VIPR2: variants seen among roughly 807,000 people sequenced by gnomAD.
The protein encoded by VIPR2 is vasoactive intestinal polypeptide receptor 2.
A neutral mutation model predicts 58.0 loss-of-function variants in VIPR2; 48 were observed. The ratio of observed to expected loss-of-function variants is 0.83; its 90% CI spans 0.66 to 1.05. The LOEUF (loss-of-function observed/expected upper bound fraction) is 1.05, where lower values mean the gene tolerates loss of function less well. VIPR2 is among the 50% of genes least tolerant of loss of function. The pLI is 0.00. For missense variants in VIPR2, 534 were observed against 558.0 expected (o/e 0.96, Z 0.43); for synonymous variants, 243 against 235.2 (o/e 1.03, Z -0.30).
At chr7:159,041,625 T>C (rs1303774618) in intron 6 of VIPR2, among the ~76,000 whole-genome samples, 2 of 146,356 alleles carry the variant, frequency 1.4e-5, no homozygotes. Flanking sequence ...CACAGGTCCG[T>C]TGAGGGTCCG....
intron 4 of VIPR2, among the ~76,000 whole-genome samples, chr7:159,082,414 A>G (rs1856952757): frequency 6.6e-6 from 1 of 152,022 alleles, no homozygotes; most frequent in Non-Finnish European, 1.5e-5. Flanking sequence ...GAATTGAACA[A>G]TGAGAACACA....
intron 5 of VIPR2, among the ~76,000 whole-genome samples, chr7:159,057,771 C>A (rs1188183538): frequency 6.6e-6 from 1 of 152,116 alleles, no homozygotes. Context: ...ACCTCTACCC[C>A]CAACCCAAAT....
At chr7:159,034,682 A>C (rs1585326341) in intron 8 of VIPR2, 32 bp from the exon 9 acceptor site, 1 of 1,599,886 alleles carries the variant, frequency 6.3e-7, no homozygotes, top group South Asian at 1.1e-5. Context: ...TCAGGTTACC[A>C]CCAACCACTT....
chr7:159,139,972 G>A (rs966681558), intron 2 of VIPR2, among the ~76,000 whole-genome samples: 3 of 152,222 alleles, frequency 2.0e-5, no homozygotes, highest in Non-Finnish European at 4.4e-5. Context: ...GTGATGCATC[G>A]ATGTTAAGTC....
At chr7:159,086,755 G>A (rs934292464) in intron 4 of VIPR2, among the ~76,000 whole-genome samples, 3 of 152,216 alleles carry the variant, frequency 2.0e-5, no homozygotes, top group African/African-American at 7.2e-5. Context: ...TTGGCTCACG[G>A]TGCTTGCTTC....
intron 2 of VIPR2, among the ~76,000 whole-genome samples, chr7:159,111,962 G>A (rs1011959402): frequency 2.0e-5 from 3 of 152,144 alleles, no homozygotes; most frequent in Admixed American, 6.5e-5. Context: ...AGTTAGTAAA[G>A]ATCATGGCAC....
chr7:159,099,485 G>T lies in VIPR2; in HGVS notation c.357+4272C>A, dbSNP rs1426350847. ...GCTGACATTGCCACAGCAGGCGGCG[G>T]CTGTCACTGCCTCCCAGATCCACAT... On this transcript the variant is annotated intron_variant, in intron 4 of 12. Transcript: ENST00000262178. The surrounding 1 kb of genome is among the most constrained non-coding windows in gnomAD (Gnocchi z 4.2). 2.0e-5 allele frequency among the ~76,000 whole-genome samples: 3 copies of T among 152,218 alleles called. No homozygotes were observed. The highest frequency in any genetic ancestry group is 2.9e-5 in the Non-Finnish European group (2 of 68,036).
At chr7:159,122,417 T>C (rs1008930047) in intron 2 of VIPR2, among the ~76,000 whole-genome samples, 3 of 152,190 alleles carry the variant, frequency 2.0e-5, no homozygotes, top group Admixed American at 2.0e-4. Context: ...GGTCTGGACG[T>C]CATCTCCTGA....
chr7:159,136,098 T>C (rs1197248833), intron 2 of VIPR2, among the ~76,000 whole-genome samples: 1 of 152,150 alleles, frequency 6.6e-6, no homozygotes. Flanking sequence ...TACCGGAAAC[T>C]GGGTAAATTA....
intron 4 of VIPR2, among the ~76,000 whole-genome samples, chr7:159,100,193 A>G (rs1164387683): frequency 1.3e-5 from 2 of 152,182 alleles, no homozygotes; most frequent in Non-Finnish European, 2.9e-5. Flanking sequence ...AGCAGACTGC[A>G]TGGGAATCAG....
At chr7:159,112,165 C>T (rs73169256) in intron 2 of VIPR2, among the ~76,000 whole-genome samples, 4,057 of 152,316 alleles carry the variant, frequency 0.027, 81 homozygotes, top group East Asian at 0.094. Flanking sequence ...CTTTGCATTA[C>T]AGTAGGATTT....
Position 159,032,036 on chromosome 7 carries a change from G to T in VIPR2, c.1003C>A (p.Pro335Thr). 1 of 1,614,082 alleles carries T rather than the reference G, an allele frequency of 6.2e-7. No individual in the cohort carries two copies. Residue 335 changes from proline to threonine, a missense_variant, in exon 11 of 13, where the codon CCG becomes ACG. Pro to Thr is a conservative substitution (Grantham distance 38). Around this residue, in one of 3 missense-constraint regions of VIPR2, gnomAD observed 306 missense variants for 285.8 expected, o/e 1.07. Coordinates refer to ENST00000262178, the MANE Select transcript of VIPR2 (RefSeq NM_003382.5). ...ACCATGTAGTGGACGCCGAACAGCG[G>T]GATAAGCAGGAGCGTGGACTTGGCC... ...RLAKSTLLLI[P>T]LFGVHYMVFA...
Position 159,108,509 on chromosome 7 carries a change from T to C in VIPR2, c.259+1303A>G, listed in dbSNP as rs148654599. Among the ~76,000 whole-genome samples the C allele has an allele frequency of 4.8e-3, 735 of 152,360 alleles. 8 individuals are homozygous for C. The highest frequency in any genetic ancestry group is 0.016 in the African/African-American group (664 of 41,584). ...TCCTCACAATAACAAGGTGGTGTCA[T>C]GCTCCCTGCTTGGGAAAAAGGTGGA... On this transcript the variant is annotated intron_variant, in intron 3 of 12. Transcript: ENST00000262178.
In VIPR2 at chr7:159,029,991, G is replaced by C. The variant is rs555817674; in HGVS notation, c.*625C>G. On this transcript the variant is annotated 3_prime_UTR_variant, in exon 13 of 13. Transcript: ENST00000262178. ...CCCTGATGTGGGACGGATGTCACCC[G>C]GTGGTCGCCCAGGCTCGTGCTGGGC... 6.6e-6 allele frequency: 1 copy of C among 152,226 alleles called. No homozygotes were observed. The highest frequency in any genetic ancestry group is 2.4e-5 in the African/African-American group (1 of 41,444). 9.4% of individuals were successfully genotyped at this position (152,226 alleles called of 1,614,324 possible).
chr7:159,030,548 C>G lies in VIPR2; in HGVS notation c.*68G>C, dbSNP rs1853476995. The G allele has an allele frequency of 1.4e-6, 2 of 1,457,410 alleles. No individual in the cohort carries two copies. Among genetic ancestry groups the G allele is most frequent in the Admixed American group, 5.0e-5 (2 of 39,630 alleles). The allele number at this position is 1,457,410 out of a possible 1,614,324, so 90.3% of individuals were successfully genotyped here. ...GCTCGGGCATCTGGAAGGAGGAAGCCGGCGTCTCAGCCCCGCAGAAGCCCC... is the reference window on the plus strand; with the variant it reads ...GCTCGGGCATCTGGAAGGAGGAAGCGGGCGTCTCAGCCCCGCAGAAGCCCC... On this transcript the variant is annotated 3_prime_UTR_variant, in exon 13 of 13. Coordinates refer to ENST00000262178, the MANE Select transcript of VIPR2 (RefSeq NM_003382.5).
chr7:159,072,222 C>T (rs58794795), intron 4 of VIPR2, among the ~76,000 whole-genome samples: 6,868 of 146,596 alleles, frequency 0.047, 273 homozygotes, highest in African/African-American at 0.11. Flanking sequence ...ACGATGGTAC[C>T]GGCAGGTAAG....
rs1853789868 is a variant in VIPR2 at position 159,034,424 on chromosome 7, G to T, written c.880-120C>A. On this transcript the variant is annotated intron_variant, in intron 9 of 12. Transcript: ENST00000262178. ...GTCCCTCCCTCCTTCCCTGGGAACT[G>T]CCTCTGGGGGTCCACATGCCTGAAG... 3.1e-6 allele frequency: 4 copies of T among 1,280,836 alleles called. No homozygotes were observed. The African/African-American group carries it at 4.4e-5, about 14-fold the overall frequency. The allele number at this position is 1,280,836 out of a possible 1,614,324, so 79.3% of individuals were successfully genotyped here.
At chr7:159,065,545 C>T (rs751976189) in intron 4 of VIPR2, among the ~76,000 whole-genome samples, 59 of 152,320 alleles carry the variant, frequency 3.9e-4, no homozygotes, top group Non-Finnish European at 6.6e-4. Context: ...TTATCCTTGG[C>T]GTGTGCCAGC....
At chr7:159,129,044 G>A (rs899988032) in intron 2 of VIPR2, among the ~76,000 whole-genome samples, 3 of 152,256 alleles carry the variant, frequency 2.0e-5, no homozygotes, top group African/African-American at 2.4e-5. Context: ...GCAATGGCAC[G>A]CACGTCTGCA....
Sources: allele counts gnomAD v4.1 joint callset (sites outside exome capture counted in the v4.1 genomes callset), GRCh38; gene constraint gnomAD v4.1.1; regional missense constraint gnomAD v4.1.1; non-coding constraint Gnocchi (gnomAD v3.1); transcripts MANE v1.5; gene names NCBI Gene and HGNC (gene_info 2026-07-23, HGNC 2026-07-21).